Variants in CELF1 observed in about 807,000 individuals in gnomAD.
The protein encoded by CELF1 is 50 kDa nuclear polyadenylated RNA-binding protein.
A neutral mutation model predicts 61.8 loss-of-function variants in CELF1; 10 were observed. That is an observed-to-expected ratio of 0.16 (90% CI 0.10 to 0.27). The LOEUF (loss-of-function observed/expected upper bound fraction) is 0.27. CELF1 is among the 10% of genes least tolerant of loss of function. CELF1 has a pLI of 1.00. For missense variants in CELF1, 380 were observed against 639.1 expected (o/e 0.59, Z 4.37); for synonymous variants, 236 against 225.1 (o/e 1.05, Z -0.43).
At chr11:47,509,680 C>G (rs1038637291) in intron 1 of CELF1, among the ~76,000 whole-genome samples, 6 of 152,034 alleles carry the variant, frequency 3.9e-5, no homozygotes, top group African/African-American at 1.4e-4. Flanking sequence ...CACTTAAGGC[C>G]AGGAGTTCCA....
rs189410616 is a variant in CELF1, at chr11:47,497,972, T to C, written c.71+1481A>G. On this transcript the variant is annotated intron_variant, in intron 3 of 14. Coordinates refer to ENST00000687097, the MANE Select transcript of CELF1 (RefSeq NM_001376376.1). The stretch of plus-strand genomic sequence containing the variant: ...TGAGCAACAGCCTTGTTTCTAAGGA[T>C]CATAAATCCTGGGACATGGAAATAT... Among the ~76,000 whole-genome samples, 7 of 152,336 alleles carry C rather than the reference T, an allele frequency of 4.6e-5. 1 individual carries two copies. In the East Asian group the frequency reaches 1.3e-3, roughly 29 times the overall value.
intron 10 of CELF1, 58 bp downstream of exon 10, chr11:47,478,818 TG>T: frequency 7.3e-7 from 1 of 1,363,562 alleles, no homozygotes; most frequent in Non-Finnish European, 1.0e-6. Flanking sequence ...CCAAGACTGT[TG>T]TTAGCTGGGT....
At chr11:47,550,042 C>G (rs2097097802) in intron 1 of CELF1, among the ~76,000 whole-genome samples, 1 of 151,816 alleles carries the variant, frequency 6.6e-6, no homozygotes, top group African/African-American at 2.4e-5. Context: ...GTCTCGAACT[C>G]CTGACCTCGT....
At chr11:47,487,307 C>A in intron 4 of CELF1, 66 bp from the exon 5 acceptor site, 1 of 1,199,358 alleles carries the variant, frequency 8.3e-7, no homozygotes, top group East Asian at 2.3e-5. Context: ...GCAATCCTTC[C>A]TCCACTGACA....
chr11:47,466,334 G>A lies in CELF1; in HGVS notation c.*5896C>T, dbSNP rs1481425634. On this transcript the variant is annotated 3_prime_UTR_variant, in exon 15 of 15. Coordinates refer to ENST00000687097, the MANE Select transcript of CELF1 (RefSeq NM_001376376.1). ...AAAGCTCAAACAAGATAAAGGAAAA[G>A]CATTTCTACGGCTGAATCACGACTG... The A allele has an allele frequency of 1.3e-5, 2 of 152,220 alleles. No homozygotes were observed. Among genetic ancestry groups the A allele is most frequent in the Admixed American group, 6.5e-5 (1 of 15,278 alleles). 9.4% of individuals were successfully genotyped at this position (152,220 alleles called of 1,614,324 possible). A position where few individuals can be genotyped will look rare whatever the true frequency, so the allele number is the denominator to read the frequency against.
chr11:47,558,349 T>TAA (rs1248579062), intron 2 of CELF1, among the ~76,000 whole-genome samples: 4 of 149,254 alleles, frequency 2.7e-5, no homozygotes, highest in African/African-American at 9.9e-5. Context: ...TTTATATATA[T>TAA]AATCAGAAAA....
intron 12 of CELF1, 41 bp downstream of exon 12, chr11:47,476,805 C>G (rs368704993): frequency 6.8e-7 from 1 of 1,479,536 alleles, no homozygotes; most frequent in African/African-American, 1.4e-5. Context: ...GTGCTACCTG[C>G]ACAAAGAATA....
intron 1 of CELF1, among the ~76,000 whole-genome samples, chr11:47,546,844 C>G (rs2096965257): frequency 6.6e-6 from 1 of 151,906 alleles, no homozygotes; most frequent in Non-Finnish European, 1.5e-5. Flanking sequence ...GTGGGTGAAT[C>G]ACCTGAGGTC....
intron 1 of CELF1, among the ~76,000 whole-genome samples, chr11:47,509,989 G>T (rs1287078181): frequency 6.6e-6 from 1 of 151,868 alleles, no homozygotes; most frequent in Non-Finnish European, 1.5e-5. Context: ...TTGAACTCGG[G>T]AAGCGGAGGT....
chr11:47,487,323 G>T, intron 4 of CELF1, 82 bp from the exon 5 acceptor site: 1 of 1,014,214 alleles, frequency 9.9e-7, no homozygotes, highest in Non-Finnish European at 1.5e-6. Context: ...TGACAGATCA[G>T]ATCTTAAAAG....
intron 1 of CELF1, among the ~76,000 whole-genome samples, chr11:47,508,339 G>A (rs776240217): frequency 6.6e-6 from 1 of 152,046 alleles, no homozygotes; most frequent in African/African-American, 2.4e-5. Flanking sequence ...TATGTGATTG[G>A]TTTTTCATAG....
intron 1 of CELF1, among the ~76,000 whole-genome samples, chr11:47,508,053 C>T (rs2094667954): frequency 6.6e-6 from 1 of 152,100 alleles, no homozygotes. Context: ...TGAGGACTAC[C>T]CTAAGGATTC....
chr11:47,545,060 A>G (rs1325295953), intron 1 of CELF1, among the ~76,000 whole-genome samples: 1 of 152,204 alleles, frequency 6.6e-6, no homozygotes, highest in Non-Finnish European at 1.5e-5. Flanking sequence ...AGACAGGCGG[A>G]TAACTTGAGA....
intron 1 of CELF1, among the ~76,000 whole-genome samples, chr11:47,520,655 C>CA (rs2095839072): frequency 1.3e-5 from 2 of 151,924 alleles, no homozygotes; most frequent in Admixed American, 6.5e-5. Flanking sequence ...CCAAAAAATA[C>CA]AAAAAAATTA....
chr11:47,493,513 G>GAAAAAAAAAAAAAAAAAAAAAAAAAAAAA (rs35976407), intron 3 of CELF1, among the ~76,000 whole-genome samples: 1 of 84,912 alleles, frequency 1.2e-5, no homozygotes. Context: ...ATCTCAAAAA[G>GAAAAAAAAAAAAAAAAAAAAAAAAAAAAA]AAAAAAAAAA....
intron 1 of CELF1, among the ~76,000 whole-genome samples, chr11:47,549,002 C>G (rs909190070): frequency 9.2e-5 from 14 of 151,582 alleles, no homozygotes; most frequent in Admixed American, 4.6e-4. Flanking sequence ...AAATGGCCAA[C>G]AAGCATATGA....
At chr11:47,508,840 G>A (rs1405798028) in intron 1 of CELF1, among the ~76,000 whole-genome samples, 4 of 152,222 alleles carry the variant, frequency 2.6e-5, no homozygotes, top group East Asian at 1.9e-4. Flanking sequence ...ACGCGATCTC[G>A]GCTTACTGCA....
chr11:47,491,955 AT>A (rs1290453750), intron 3 of CELF1, among the ~76,000 whole-genome samples: 1 of 152,196 alleles, frequency 6.6e-6, no homozygotes, highest in African/African-American at 2.4e-5. Flanking sequence ...ATCTCCTATG[AT>A]TATTTAATTG....
intron 6 of CELF1, among the ~76,000 whole-genome samples, chr11:47,485,638 G>A (rs1184231431): frequency 6.6e-6 from 1 of 151,240 alleles, no homozygotes; most frequent in Non-Finnish European, 1.5e-5. Context: ...CTGGAGTGCA[G>A]TGGCACGATC....
Sources: gnomAD v4.1 joint callset for allele counts (sites outside exome capture counted in the v4.1 genomes callset) on GRCh38, gnomAD v4.1.1 for gene constraint, MANE v1.5 for transcripts, NCBI Gene and HGNC (gene_info 2026-07-23, HGNC 2026-07-21) for gene names.